Variants in VARS2 observed in about 807,000 individuals in gnomAD.
VARS2 encodes the protein valyl-tRNA synthetase 2, mitochondrial.
A neutral mutation model predicts 154.1 loss-of-function variants in VARS2; 105 were observed. That is an observed-to-expected ratio of 0.68 (90% CI 0.58 to 0.80). VARS2 has a LOEUF of 0.80. VARS2 is among the 30% of genes least tolerant of loss of function. The pLI, the probability that VARS2 is intolerant of heterozygous loss-of-function variation, is 0.00. For synonymous variants in VARS2, 483 were observed against 539.5 expected, an observed-to-expected ratio of 0.90 and a Z score of 1.45; for missense variants, 1,157 against 1,361.4, an observed-to-expected ratio of 0.85 and a Z score of 2.36.
In VARS2 at chr6:30,922,471, C is replaced by A. The variant is rs148448090; in HGVS notation, c.1954C>A (p.Arg652=). ...CCAGGTGCTTCTTCATCCCATGGTTCGGGACAGGCAGGGCCGGAAGATGAG... is the reference window on the plus strand; with the variant it reads ...CCAGGTGCTTCTTCATCCCATGGTTAGGGACAGGCAGGGCCGGAAGATGAG... ...FSKVLLHPMV[R]DRQGRKMSKS... Residue 652 remains arginine (R), a synonymous_variant, in exon 21 of 30, where the codon CGG becomes AGG. Transcript: ENST00000676266. The A allele has an allele frequency of 1.9e-6, 3 of 1,602,978 alleles. No individual in the cohort carries two copies. The highest frequency in any genetic ancestry group is 2.6e-6 in the Non-Finnish European group (3 of 1,175,540).
chr6:30,917,913 T>A lies in VARS2; in HGVS notation c.985+107T>A. The A allele has an allele frequency of 8.6e-7, 1 of 1,158,320 alleles. No individual in the cohort carries two copies. The highest frequency in any genetic ancestry group is 1.2e-6 in the Non-Finnish European group (1 of 802,512). 71.8% of individuals were successfully genotyped at this position (1,158,320 alleles called of 1,614,324 possible). A position where few individuals can be genotyped will look rare whatever the true frequency, so the allele number is the denominator to read the frequency against. On this transcript the variant is annotated intron_variant, in intron 10 of 29. Transcript: ENST00000676266. The surrounding 1 kb of genome is among the most constrained non-coding windows in gnomAD (Gnocchi z 4.4). The stretch of plus-strand genomic sequence containing the variant: ...CATCAGTCCATCTCTCACATGTACC[T>A]TGGTAGTGTTCACCTCAGCGTGGGC...
chr6:30,920,726 G>A lies in VARS2; in HGVS notation c.1456G>A (p.Glu486Lys), dbSNP rs143821815. The stretch of plus-strand genomic sequence containing the variant: ...GAACCAGTGGTTTGTCCGCTGCCAG[G>A]AAATGGGGGCCCGAGCTGCCAAGGT... ...LKNQWFVRCQ[E>K]MGARAAKAVE... Residue 486 changes from glutamate to lysine, a missense_variant, in exon 15 of 30, where the codon GAA (glutamate) becomes AAA (lysine). Transcript: ENST00000676266. This position sits in a 1 kb window ranked among gnomAD's most constrained non-coding sequence, Gnocchi z 4.6. 1.9e-6 allele frequency: 3 copies of A among 1,601,140 alleles called. No homozygotes were observed. In the South Asian group the frequency reaches 3.4e-5, roughly 18 times the overall value.
chr6:30,921,216 T>A lies in VARS2; in HGVS notation c.1557-14T>A. On this transcript the variant is annotated splice_polypyrimidine_tract_variant and intron_variant, in intron 16 of 29. Coordinates refer to ENST00000676266, the MANE Select transcript of VARS2 (RefSeq NM_020442.6). The surrounding 1 kb of genome is among the most constrained non-coding windows in gnomAD (Gnocchi z 4.6). ...ACTGGTTATTCTAAGACTTCACGAA[T>A]GTCCTCCCGGCAGGGACTGGTGTGT... 1 of 1,614,038 alleles carries A rather than the reference T, an allele frequency of 6.2e-7. No homozygotes were observed. The highest frequency in any genetic ancestry group is 8.5e-7 in the Non-Finnish European group (1 of 1,179,996).
At position 30,923,088 on chromosome 6, in the gene VARS2, G is replaced by A. The variant is rs746464857; in HGVS notation, c.2186-16G>A. ...CTGCCACCTACATGCAGACTACCTCGATTCTTCCCTTCCAGCGGGCGACTT... is the reference window on the plus strand; with the variant it reads ...CTGCCACCTACATGCAGACTACCTCAATTCTTCCCTTCCAGCGGGCGACTT... On this transcript the variant is annotated splice_polypyrimidine_tract_variant and intron_variant, in intron 23 of 29. Transcript: ENST00000676266. 3.3e-5 allele frequency: 53 copies of A among 1,612,722 alleles called. No individual in the cohort carries two copies. Among genetic ancestry groups the A allele is most frequent in the South Asian group, 7.7e-5 (7 of 91,058 alleles).
In VARS2 at chr6:30,920,586, C is replaced by T. The variant is rs1794447250; in HGVS notation, c.1398-82C>T. Reference sequence around the variant, plus strand: ...GCTATTGTATCCTCAGTACCAAGGGCCTGGCATGGCATGGGGTCTTGTGCC... The same window carrying T: ...GCTATTGTATCCTCAGTACCAAGGGTCTGGCATGGCATGGGGTCTTGTGCC... On this transcript the variant is annotated intron_variant, in intron 14 of 29. Transcript: ENST00000676266. This position sits in a 1 kb window ranked among gnomAD's most constrained non-coding sequence, Gnocchi z 4.6. The T allele has an allele frequency of 7.3e-7, 1 of 1,370,510 alleles. No homozygotes were observed. Among genetic ancestry groups the T allele is most frequent in the East Asian group, 2.5e-5 (1 of 40,540 alleles). 84.9% of individuals were successfully genotyped at this position (1,370,510 alleles called of 1,614,324 possible).
At chr6:30,925,161 A>G in intron 26 of VARS2, 113 bp from the exon 27 acceptor site, 1 of 667,624 alleles carries the variant, frequency 1.5e-6, no homozygotes. Flanking sequence ...TGCTGAGGAC[A>G]GATCTCATTG....
In VARS2 at chr6:30,920,922, C is replaced by T; in HGVS notation, c.1480-143C>T. ...CGGCCCAGCAAGGGCTGGCTCATAT[C>T]CTTACTCAAGCCCAGAATCTTGGCA... On this transcript the variant is annotated intron_variant, in intron 15 of 29. Transcript: ENST00000676266. This position sits in a 1 kb window ranked among gnomAD's most constrained non-coding sequence, Gnocchi z 4.6. 8.7e-7 allele frequency: 1 copy of T among 1,148,702 alleles called. No homozygotes were observed. Among genetic ancestry groups the T allele is most frequent in the South Asian group, 1.6e-5 (1 of 61,982 alleles). The allele number at this position is 1,148,702 out of a possible 1,614,324, so 71.2% of individuals were successfully genotyped here.
In VARS2 at chr6:30,917,634, A is replaced by G. The variant is rs1374579787; in HGVS notation, c.874-61A>G. The G allele has an allele frequency of 1.6e-5, 23 of 1,449,180 alleles. No individual in the cohort carries two copies. Among genetic ancestry groups the G allele is most frequent in the Non-Finnish European group, 2.0e-5 (22 of 1,074,866 alleles). 89.8% of individuals were successfully genotyped at this position (1,449,180 alleles called of 1,614,324 possible). A position where few individuals can be genotyped will look rare whatever the true frequency, so the allele number is the denominator to read the frequency against. ...GGCAGATGGATGAGTGGCAGAGTGA[A>G]GCCTGGGCATGAGCCTTGCAGAAAG... On this transcript the variant is annotated intron_variant, in intron 9 of 29. Transcript: ENST00000676266. The surrounding 1 kb of genome is among the most constrained non-coding windows in gnomAD (Gnocchi z 4.4).
At chr6:30,923,313 G>A in intron 24 of VARS2, 40 bp from the exon 25 acceptor site, 1 of 1,606,220 alleles carries the variant, frequency 6.2e-7, no homozygotes, top group South Asian at 1.1e-5. Context: ...AAGGAGGCAG[G>A]GGAGGGGGAG....
chr6:30,920,127 G>T lies in VARS2; in HGVS notation c.1204G>T (p.Ala402Ser). ...KVTPAHSPAD[A>S]EMGARHGLSP... is the part of the protein sequence containing the mutation. ...GACTCCAGCTCACAGTCCTGCCGAT[G>T]CTGAGATGGGGGCCCGACATGGCTT... is the stretch of plus-strand genomic sequence containing the variant. The change falls in exon 13 of 30, where the codon GCT (alanine) becomes TCT (serine). Residue 402 changes from alanine to serine, a missense_variant. Transcript: ENST00000676266. The surrounding 1 kb of genome is among the most constrained non-coding windows in gnomAD (Gnocchi z 4.6). The T allele has an allele frequency of 2.5e-6, 4 of 1,581,942 alleles. No homozygotes were observed. The highest frequency in any genetic ancestry group is 3.4e-6 in the Non-Finnish European group (4 of 1,164,026).
rs1262915613 is a variant in VARS2, at chr6:30,916,716, T to C, written c.672-162T>C. 1 of 669,160 alleles carries C rather than the reference T, an allele frequency of 1.5e-6. No individual in the cohort carries two copies. Among genetic ancestry groups the C allele is most frequent in the Non-Finnish European group, 2.6e-6 (1 of 379,190 alleles). 41.5% of individuals were successfully genotyped at this position (669,160 alleles called of 1,614,324 possible). ...TCTTTTAATATCTTAGAAAACCCCA[T>C]ACTGGGTTTGTAAGTCCATTTCTAT... On this transcript the variant is annotated intron_variant, in intron 7 of 29. Transcript: ENST00000676266. The surrounding 1 kb of genome is among the most constrained non-coding windows in gnomAD (Gnocchi z 4.0).
rs1359964185 is a variant in VARS2 at position 30,926,447 on chromosome 6, T to C, written c.*237T>C. 1 of 579,466 alleles carries C rather than the reference T, an allele frequency of 1.7e-6. No homozygotes were observed. The highest frequency in any genetic ancestry group is 3.1e-6 in the Non-Finnish European group (1 of 325,908). The allele number at this position is 579,466 out of a possible 1,614,324, so 35.9% of individuals were successfully genotyped here. A position where few individuals can be genotyped will look rare whatever the true frequency, so the allele number is the denominator to read the frequency against. On this transcript the variant is annotated 3_prime_UTR_variant, in exon 30 of 30. Transcript: ENST00000676266. The stretch of plus-strand genomic sequence containing the variant: ...GGAATGAGGAGATTGAGATAAACTT[T>C]TGAAATCCCAAACATGTCTGTTTAT...
chr6:30,922,170 C>T lies in VARS2; in HGVS notation c.1861C>T (p.Leu621Phe). Residue 621 changes from leucine (L) to phenylalanine (F), a missense_variant, in exon 20 of 30, where the codon CTT becomes TTT. By Grantham distance (22) the Leu-to-Phe change is conservative. Transcript: ENST00000676266. Reference sequence around the variant, plus strand: ...GTCACTTTTGGAAACGGGCAGCGACCTTCTGCTGTTCTGGGTGGGCCGCAT... The same window carrying T: ...GTCACTTTTGGAAACGGGCAGCGACTTTCTGCTGTTCTGGGTGGGCCGCAT... The part of the protein sequence containing the change: ...PLSLLETGSD[L>F]LLFWVGRMVM... The T allele has an allele frequency of 1.9e-6, 3 of 1,612,802 alleles. No homozygotes were observed. The highest frequency in any genetic ancestry group is 2.5e-6 in the Non-Finnish European group (3 of 1,179,946).
chr6:30,925,497 G>T lies in VARS2; in HGVS notation c.2786-47G>T, dbSNP rs942293500. 8 of 1,557,100 alleles carry T rather than the reference G, an allele frequency of 5.1e-6. No individual in the cohort carries two copies. In the Admixed American group the frequency reaches 5.8e-5, roughly 11 times the overall value. On this transcript the variant is annotated intron_variant, in intron 27 of 29. Transcript: ENST00000676266. ...CCGTTAGGAGGTGCAGGGTAGGAAG[G>T]GAGGCAGGAGCTGAGGCCTTGCCCC...
Position 30,920,973 on chromosome 6 carries a change from T to G in VARS2, c.1480-92T>G. On this transcript the variant is annotated intron_variant, in intron 15 of 29. Transcript: ENST00000676266. This position sits in a 1 kb window ranked among gnomAD's most constrained non-coding sequence, Gnocchi z 4.6. ...AGAGGCTTGGGAGGTCCTTTCTGAG[T>G]TTTAAAATGACCTCAGAGGCCACTC... 7.3e-7 allele frequency: 1 copy of G among 1,375,678 alleles called. No individual in the cohort carries two copies. Among genetic ancestry groups the G allele is most frequent in the Non-Finnish European group, 9.8e-7 (1 of 1,020,730 alleles). 85.2% of individuals were successfully genotyped at this position (1,375,678 alleles called of 1,614,324 possible). A position where few individuals can be genotyped will look rare whatever the true frequency, so the allele number is the denominator to read the frequency against.
chr6:30,925,611 C>T lies in VARS2; in HGVS notation c.2853C>T (p.Thr951=), dbSNP rs1484205286. The change falls in exon 28 of 30, where the codon ACC becomes ACT. Residue 951 remains threonine, a synonymous_variant. Transcript: ENST00000676266. Reference sequence around the variant, plus strand: ...AGGCCTTCTTGGAGCCCCTGGGCACCCTGGGCTACTGTGGGGCTGTGGGCC... The same window carrying T: ...AGGCCTTCTTGGAGCCCCTGGGCACTCTGGGCTACTGTGGGGCTGTGGGCC... ...LFEAFLEPLG[T]LGYCGAVGLL... is the part of the protein sequence containing the mutation. 24 of 1,611,596 alleles carry T rather than the reference C, an allele frequency of 1.5e-5. No homozygotes were observed. The highest frequency in any genetic ancestry group is 4.4e-5 in the South Asian group (4 of 91,002).
intron 4 of VARS2, 86 bp downstream of exon 4, chr6:30,915,541 A>G (rs1371245548): frequency 7.4e-6 from 11 of 1,476,734 alleles, no homozygotes; most frequent in Non-Finnish European, 1.0e-5. Context: ...TTGAGCTCAC[A>G]TTGTAGACCT....
rs769770882 is a variant in VARS2 at position 30,925,318 on chromosome 6, C to A, written c.2718C>A (p.Val906=). ...AGCTGGAGCGGCGCTTCTCCCGGGTCCAAGAGGTCGTGCAGGTGCTAAGGG... is the reference window on the plus strand; with the variant it reads ...AGCTGGAGCGGCGCTTCTCCCGGGTACAAGAGGTCGTGCAGGTGCTAAGGG... ...QPELERRFSR[V]QEVVQVLRAL... Residue 906 remains valine, a synonymous_variant, in exon 27 of 30, where the codon GTC becomes GTA. Transcript: ENST00000676266. The A allele has an allele frequency of 2.5e-6, 4 of 1,612,678 alleles. No individual in the cohort carries two copies. The highest frequency in any genetic ancestry group is 3.4e-6 in the Non-Finnish European group (4 of 1,179,858).
At position 30,921,288 on chromosome 6, in the gene VARS2, G is replaced by A. The variant is rs200004723; in HGVS notation, c.1615G>A (p.Val539Ile). The A allele has an allele frequency of 5.0e-6, 8 of 1,614,180 alleles. No homozygotes were observed. The highest frequency in any genetic ancestry group is 1.6e-4 in the Middle Eastern group (1 of 6,062). ...WGHQIPAYLV[V>I]EDHAQGEEDC... ...CCATCAGATTCCAGCCTACCTGGTT[G>A]TAGAGGACCATGCGCAGGTGGGTAG... The change falls in exon 17 of 30, where the codon GTA (valine) becomes ATA (isoleucine). Residue 539 changes from valine (V) to isoleucine (I), a missense_variant. Transcript: ENST00000676266. The surrounding 1 kb of genome is among the most constrained non-coding windows in gnomAD (Gnocchi z 4.6).
Sources: allele counts gnomAD v4.1 joint callset, GRCh38; gene constraint gnomAD v4.1.1; non-coding constraint Gnocchi (gnomAD v3.1); transcripts MANE v1.5; gene names NCBI Gene and HGNC (gene_info 2026-07-23, HGNC 2026-07-21).